The following MYO5B variants were observed in gnomAD, a reference collection of about 807,000 sequenced individuals.
MYO5B encodes myosin VB.
In MYO5B, 143 loss-of-function variants were observed where a neutral mutation model predicts 229.3. That is an observed-to-expected ratio of 0.62 (90% CI 0.54 to 0.72). The LOEUF is 0.72. Ranked by LOEUF, MYO5B falls within the 30% of genes least tolerant of loss-of-function variation. MYO5B has a pLI of 0.00. For missense variants in MYO5B, 2,321 were observed against 2,331.0 expected (o/e 1.00, Z 0.09); for synonymous variants, 918 against 885.2 (o/e 1.04, Z -0.66).
intron 2 of MYO5B, 101 bp from the exon 3 acceptor site, chr18:50,040,415 T>C (rs781428360): frequency 1.6e-5 from 18 of 1,127,898 alleles, no homozygotes; most frequent in Non-Finnish European, 2.2e-5. Flanking sequence ...CTTAACATGA[T>C]AGTAAGTAAT....
At position 49,837,531 on chromosome 18, in the gene MYO5B, T is replaced by G; in HGVS notation, c.5124A>C (p.Thr1708=). The part of the protein sequence containing the change: ...LLRKDVCSWS[T]GMQLRYNISQ... ...TCCTCCCTTACCTGAGTTGCATGCC[T>G]GTGCTCCAAGAGCAGACGTCCTTCC... Residue 1708 remains threonine (T), a synonymous_variant, in exon 37 of 40, where the codon ACA becomes ACC. Transcript: ENST00000285039. The G allele has an allele frequency of 6.2e-7, 1 of 1,613,942 alleles. No homozygotes were observed. The highest frequency in any genetic ancestry group is 8.5e-7 in the Non-Finnish European group (1 of 1,179,852).
chr18:50,168,356 A>G (rs1030679369), intron 1 of MYO5B, among the ~76,000 whole-genome samples: 2 of 152,224 alleles, frequency 1.3e-5, no homozygotes, highest in African/African-American at 4.8e-5. Flanking sequence ...GCAGTTCCAG[A>G]AGACTCAGGA....
chr18:49,836,503 C>A (rs1271997429), intron 38 of MYO5B, among the ~76,000 whole-genome samples: 2 of 152,102 alleles, frequency 1.3e-5, no homozygotes, highest in Non-Finnish European at 2.9e-5. Flanking sequence ...TACTAGAAAA[C>A]AGTATCTGTG....
chr18:50,068,916 C>T (rs1237557043), intron 1 of MYO5B, among the ~76,000 whole-genome samples: 1 of 152,150 alleles, frequency 6.6e-6, no homozygotes, highest in Admixed American at 6.5e-5. Flanking sequence ...TCTTTAATGT[C>T]CACCTTTAAT....
intron 1 of MYO5B, among the ~76,000 whole-genome samples, chr18:50,085,589 C>A (rs964352515): frequency 7.2e-5 from 11 of 152,162 alleles, no homozygotes; most frequent in Admixed American, 7.2e-4. Flanking sequence ...GATTATAAAT[C>A]ATGCTGCTAT....
intron 1 of MYO5B, among the ~76,000 whole-genome samples, chr18:50,174,667 C>A (rs1555666541): frequency 6.6e-6 from 1 of 152,136 alleles, no homozygotes; most frequent in Non-Finnish European, 1.5e-5. Flanking sequence ...AGCCAGCCAT[C>A]GTGAGTTCCT....
chr18:49,939,055 T>A (rs918006642), intron 14 of MYO5B, among the ~76,000 whole-genome samples: 1 of 152,098 alleles, frequency 6.6e-6, no homozygotes, highest in Non-Finnish European at 1.5e-5. Context: ...CGTGTAAGCA[T>A]GTAGAAAAGT....
chr18:49,953,492 T>G (rs1380878345), intron 13 of MYO5B, 149 bp from the exon 14 acceptor site: 1 of 721,322 alleles, frequency 1.4e-6, no homozygotes, highest in African/African-American at 1.7e-5. Context: ...GCAAACCCAA[T>G]AAATGGTCAG....
intron 1 of MYO5B, among the ~76,000 whole-genome samples, chr18:50,100,318 TATG>T (rs1178319441): frequency 6.6e-6 from 1 of 152,238 alleles, no homozygotes; most frequent in African/African-American, 2.4e-5. Context: ...GGCAGGAACA[TATG>T]ATGCTGGTTG....
Position 49,878,880 on chromosome 18 carries a change from C to T in MYO5B, c.3276+65G>A, listed in dbSNP as rs550879677. ...TATCAGAAAGCAGTGCCTGAGATCA[C>T]GTGGTCAGAAGCTGGACAGGAGCCA... On this transcript the variant is annotated intron_variant, in intron 24 of 39. Coordinates refer to ENST00000285039, the MANE Select transcript of MYO5B (RefSeq NM_001080467.3). The T allele has an allele frequency of 5.7e-5, 90 of 1,581,034 alleles. 1 individual carries two copies. In the African/African-American group the frequency reaches 6.3e-4, roughly 11 times the overall value.
intron 27 of MYO5B, among the ~76,000 whole-genome samples, chr18:49,867,682 G>A (rs1286339860): frequency 2.6e-5 from 4 of 152,154 alleles, no homozygotes; most frequent in Non-Finnish European, 5.9e-5. Flanking sequence ...CGGGATGAGC[G>A]TTACCACTGG....
chr18:50,076,896 A>C (rs1192352081), intron 1 of MYO5B, among the ~76,000 whole-genome samples: 1 of 150,758 alleles, frequency 6.6e-6, no homozygotes, highest in Non-Finnish European at 1.5e-5. Flanking sequence ...ACACTGAACA[A>C]TAAAGAAGCC....
At chr18:49,828,109 T>G (rs1461035870) in intron 39 of MYO5B, among the ~76,000 whole-genome samples, 1 of 152,172 alleles carries the variant, frequency 6.6e-6, no homozygotes, top group Non-Finnish European at 1.5e-5. Flanking sequence ...TACTGAATTT[T>G]GAATCTGTGG....
intron 12 of MYO5B, among the ~76,000 whole-genome samples, chr18:49,961,493 G>A (rs899707022): frequency 3.3e-5 from 5 of 152,224 alleles, no homozygotes; most frequent in Admixed American, 1.3e-4. Flanking sequence ...AGCCTTTACA[G>A]GCAAGATGTG....
intron 14 of MYO5B, among the ~76,000 whole-genome samples, chr18:49,939,144 T>G (rs1242736626): frequency 1.5e-5 from 2 of 133,800 alleles, no homozygotes; most frequent in African/African-American, 2.9e-5. Context: ...TCTTTCTTTT[T>G]TTTCTTTTTT....
chr18:50,127,621 G>A (rs1234422372), intron 1 of MYO5B, among the ~76,000 whole-genome samples: 3 of 152,214 alleles, frequency 2.0e-5, no homozygotes, highest in African/African-American at 4.8e-5. Context: ...GTAAGTTGAT[G>A]TAATCAGGGA....
intron 1 of MYO5B, among the ~76,000 whole-genome samples, chr18:50,117,846 C>T (rs1331238100): frequency 6.6e-6 from 1 of 152,092 alleles, no homozygotes; most frequent in Non-Finnish European, 1.5e-5. Flanking sequence ...ATACCACCAC[C>T]ACATAGTACG....
chr18:50,018,884 A>C (rs1010352141), intron 4 of MYO5B, among the ~76,000 whole-genome samples: 4 of 152,250 alleles, frequency 2.6e-5, no homozygotes, highest in African/African-American at 4.8e-5. Flanking sequence ...GGAGGGGAAG[A>C]AAAAAGAAAA....
Position 49,879,081 on chromosome 18 carries a change from G to A in MYO5B, c.3140C>T (p.Ala1047Val), listed in dbSNP as rs747702447. Residue 1047 changes from alanine to valine, a missense_variant, in exon 24 of 40, where the codon GCC (alanine) becomes GTC (valine). By Grantham distance (64) the Ala-to-Val change is moderately conservative. Coordinates refer to ENST00000285039, the MANE Select transcript of MYO5B (RefSeq NM_001080467.3). ...QILCQSKDEFAQNSVKENLMK... is the reference protein window; with the variant it reads ...QILCQSKDEFVQNSVKENLMK... The stretch of plus-strand genomic sequence containing the variant: ...GAGATTTTCCTTCACAGAGTTCTGG[G>A]CAAATTCATCTGGAAAGCAACACGC... 3 of 1,614,078 alleles carry A rather than the reference G, an allele frequency of 1.9e-6. No homozygotes were observed. Among genetic ancestry groups the A allele is most frequent in the Non-Finnish European group, 8.5e-7 (1 of 1,180,024 alleles).
Sources: gnomAD v4.1 joint callset for allele counts (sites outside exome capture counted in the v4.1 genomes callset) on GRCh38, gnomAD v4.1.1 for gene constraint, MANE v1.5 for transcripts, NCBI Gene and HGNC (gene_info 2026-07-23, HGNC 2026-07-21) for gene names.